Variants in GULP1 observed in about 807,000 individuals in gnomAD.
GULP1 encodes PTB domain-containing engulfment adapter protein 1.
Under a neutral mutation model 40.9 loss-of-function variants are expected in GULP1, and 19 were observed. That is an observed-to-expected ratio of 0.46 (90% confidence interval 0.32 to 0.68). GULP1 has a LOEUF of 0.68. GULP1 is among the 30% of genes least tolerant of loss of function. The pLI is 0.03. For missense variants in GULP1, 312 were observed against 362.2 expected, an observed-to-expected ratio of 0.86 and a Z score of 1.12; for synonymous variants, 119 against 117.6, an observed-to-expected ratio of 1.01 and a Z score of -0.08.
chr2:188,327,064 C>T (rs1263542765), intron 1 of GULP1, among the ~76,000 whole-genome samples: 2 of 152,140 alleles, frequency 1.3e-5, no homozygotes, highest in African/African-American at 4.8e-5. Context: ...GGCCAGAAAG[C>T]TCTTTCACTG....
intron 9 of GULP1, among the ~76,000 whole-genome samples, chr2:188,575,217 G>A (rs541009472): frequency 3.3e-5 from 5 of 152,090 alleles, no homozygotes; most frequent in East Asian, 1.9e-4. Context: ...GTAGTAGACC[G>A]TATGTTACAA....
At chr2:188,373,986 A>T (rs1400978708) in intron 1 of GULP1, among the ~76,000 whole-genome samples, 3 of 152,048 alleles carry the variant, frequency 2.0e-5, no homozygotes, top group Non-Finnish European at 4.4e-5. Flanking sequence ...GTGAAGATGT[A>T]ATTAATAGAA....
intron 1 of GULP1, among the ~76,000 whole-genome samples, chr2:188,340,506 G>A (rs751767987): frequency 2.0e-5 from 3 of 152,170 alleles, no homozygotes; most frequent in Non-Finnish European, 2.9e-5. Flanking sequence ...GGTCTGCAGG[G>A]CAGCATCTGT....
chr2:188,469,038 G>T (rs1439107738), intron 2 of GULP1, among the ~76,000 whole-genome samples: 3 of 152,144 alleles, frequency 2.0e-5, no homozygotes, highest in Non-Finnish European at 4.4e-5. Context: ...TAGTCAGCCT[G>T]TTATTAGGAG....
At chr2:188,306,229 A>G (rs1483450880) in intron 1 of GULP1, among the ~76,000 whole-genome samples, 1 of 152,118 alleles carries the variant, frequency 6.6e-6, no homozygotes, top group Non-Finnish European at 1.5e-5. Context: ...ATTTTTCTTC[A>G]CTGAGAAGAT....
At chr2:188,367,991 T>G (rs1260448174) in intron 1 of GULP1, among the ~76,000 whole-genome samples, 1 of 152,146 alleles carries the variant, frequency 6.6e-6, no homozygotes, top group Non-Finnish European at 1.5e-5. Flanking sequence ...TTTTCATCTC[T>G]TTCTTTTGTG....
chr2:188,315,496 C>CAAT lies in GULP1; in HGVS notation c.-172+23331_-172+23333dup, dbSNP rs568433555. Among the ~76,000 whole-genome samples the CAAT allele has an allele frequency of 5.3e-5, 8 of 152,216 alleles. No individual in the cohort carries two copies. In the East Asian group the frequency reaches 1.2e-3, roughly 22 times the overall value. On this transcript the variant is annotated intron_variant, in intron 1 of 11. Coordinates refer to ENST00000409830, the MANE Select transcript of GULP1 (RefSeq NM_016315.4). ...TTGTGGCCTATCAGAGTCTGTTTCC[C>CAAT]AATGTCTTTGTTTCAGACCTTTGAA...
intron 1 of GULP1, among the ~76,000 whole-genome samples, chr2:188,308,208 C>T (rs2037464102): frequency 6.6e-6 from 1 of 152,060 alleles, no homozygotes; most frequent in African/African-American, 2.4e-5. Flanking sequence ...GACTGTCTTC[C>T]TGACATCAGC....
Position 188,494,870 on chromosome 2 carries a change from T to G in GULP1, c.90+11378T>G, listed in dbSNP as rs78927248. Among the ~76,000 whole-genome samples, 59 of 152,054 alleles carry G rather than the reference T, an allele frequency of 3.9e-4. 1 individual carries two copies. The East Asian group carries it at 0.011, about 27-fold the overall frequency. Reference sequence around the variant, plus strand: ...CTCCTCAGGGGCTCTGTCTTTACCTTGAACATACACAGACTCCACTATACT... The same window carrying G: ...CTCCTCAGGGGCTCTGTCTTTACCTGGAACATACACAGACTCCACTATACT... On this transcript the variant is annotated intron_variant, in intron 4 of 11. Transcript: ENST00000409830.
At chr2:188,505,724 A>G (rs2063839915) in intron 4 of GULP1, among the ~76,000 whole-genome samples, 1 of 151,836 alleles carries the variant, frequency 6.6e-6, no homozygotes, top group Admixed American at 6.6e-5. Flanking sequence ...AAGAAGTTAA[A>G]TGATTTGCTG....
intron 5 of GULP1, 121 bp from the exon 6 acceptor site, chr2:188,528,976 C>T (rs1686868606): frequency 1.7e-6 from 1 of 575,020 alleles, no homozygotes; most frequent in Admixed American, 3.8e-5. Flanking sequence ...ATGCTTTATA[C>T]TTGGCAAAAA....
At chr2:188,435,520 C>A (rs4622680) in intron 2 of GULP1, among the ~76,000 whole-genome samples, 2 of 152,036 alleles carry the variant, frequency 1.3e-5, no homozygotes, top group African/African-American at 4.8e-5. Context: ...ATAACAAATT[C>A]TATGCCACAT....
At chr2:188,560,084 T>A (rs1321483710) in intron 7 of GULP1, among the ~76,000 whole-genome samples, 1 of 152,196 alleles carries the variant, frequency 6.6e-6, no homozygotes, top group Non-Finnish European at 1.5e-5. Context: ...AGTGGACTAA[T>A]ACAGTGAGGC....
At chr2:188,398,365 G>A (rs369154192) in intron 2 of GULP1, among the ~76,000 whole-genome samples, 16 of 152,276 alleles carry the variant, frequency 1.1e-4, no homozygotes, top group African/African-American at 3.6e-4. Flanking sequence ...AGTTATTGAA[G>A]AAATTGAAGA....
intron 1 of GULP1, among the ~76,000 whole-genome samples, chr2:188,315,708 A>G (rs2038966014): frequency 6.6e-6 from 1 of 152,138 alleles, no homozygotes; most frequent in African/African-American, 2.4e-5. Flanking sequence ...TACCTGTACT[A>G]TGTTTTTTCC....
At chr2:188,504,465 T>C (rs2063720669) in intron 4 of GULP1, among the ~76,000 whole-genome samples, 2 of 151,942 alleles carry the variant, frequency 1.3e-5, no homozygotes, top group Admixed American at 6.6e-5. Context: ...ATAACAATTA[T>C]AAAGAAAGTT....
At chr2:188,583,639 A>C (rs1701771326) in intron 9 of GULP1, among the ~76,000 whole-genome samples, 2 of 152,162 alleles carry the variant, frequency 1.3e-5, no homozygotes, top group Non-Finnish European at 2.9e-5. Context: ...TGGGCAGTAC[A>C]CTGGCGATTA....
chr2:188,342,240 T>A (rs2043069146), intron 1 of GULP1, among the ~76,000 whole-genome samples: 1 of 152,144 alleles, frequency 6.6e-6, no homozygotes, highest in Non-Finnish European at 1.5e-5. Context: ...TTGGCAGGGT[T>A]GGTTTCTTCT....
chr2:188,395,736 T>G (rs1410021614), intron 2 of GULP1, among the ~76,000 whole-genome samples: 1 of 152,172 alleles, frequency 6.6e-6, no homozygotes, highest in Non-Finnish European at 1.5e-5. Flanking sequence ...GCTGCTCCTC[T>G]GAGTCTAGCC....
Sources: allele counts gnomAD v4.1 joint callset (sites outside exome capture counted in the v4.1 genomes callset), GRCh38; gene constraint gnomAD v4.1.1; transcripts MANE v1.5; gene names NCBI Gene and HGNC (gene_info 2026-07-23, HGNC 2026-07-21).